The following TRAPPC9 variants were observed in gnomAD, a reference collection of about 807,000 sequenced individuals.
TRAPPC9 encodes IKK2 binding protein.
A neutral mutation model predicts 124.0 loss-of-function variants in TRAPPC9; 83 were observed. The ratio of observed to expected loss-of-function variants is 0.67; its 90% CI spans 0.56 to 0.80. The LOEUF (loss-of-function observed/expected upper bound fraction) is 0.80. Among genes scored for constraint, TRAPPC9 ranks in the 30% least tolerant of loss-of-function variants. TRAPPC9 has a pLI of 0.00. For missense variants in TRAPPC9, 1,302 were observed against 1,508.3 expected (o/e 0.86, Z 2.27); for synonymous variants, 638 against 617.5 (o/e 1.03, Z -0.49).
chr8:139,731,145 G>A lies in TRAPPC9; in HGVS notation c.3363C>T (p.His1121=), dbSNP rs149676709. ...GCAGCTCCTTGCTGGTGCTGTCCTC[G>A]TGGAACCGGATGTGGAGGAAGAAGT... ...TGDFFLHIRF[H]EDSTSKELPP... The change falls in exon 23 of 23, where the codon CAC becomes CAT. Residue 1121 remains histidine, a synonymous_variant. Transcript: ENST00000438773. 1.7e-5 allele frequency: 27 copies of A among 1,613,894 alleles called. No homozygotes were observed. The highest frequency in any genetic ancestry group is 3.3e-4 in the Middle Eastern group (2 of 6,078).
chr8:140,214,967 A>C (rs1362392300), intron 17 of TRAPPC9, among the ~76,000 whole-genome samples: 1 of 152,122 alleles, frequency 6.6e-6, no homozygotes, highest in Non-Finnish European at 1.5e-5. Flanking sequence ...AAATCACATC[A>C]TTCCTGCTTC....
chr8:140,401,977 C>T (rs1283039844), intron 6 of TRAPPC9, among the ~76,000 whole-genome samples: 1 of 150,888 alleles, frequency 6.6e-6, no homozygotes, highest in East Asian at 1.9e-4. Context: ...ATTTTCATGG[C>T]CAGTATGATT....
At chr8:139,774,687 G>A (rs1025610908) in intron 21 of TRAPPC9, among the ~76,000 whole-genome samples, 2 of 152,184 alleles carry the variant, frequency 1.3e-5, no homozygotes, top group African/African-American at 4.8e-5. Context: ...GGAGGAACGA[G>A]GGCTTCTCCT....
At chr8:140,269,255 G>A (rs1328021768) in intron 15 of TRAPPC9, among the ~76,000 whole-genome samples, 1 of 151,972 alleles carries the variant, frequency 6.6e-6, no homozygotes, top group Non-Finnish European at 1.5e-5. Flanking sequence ...AAATAAGATG[G>A]ATTTGGCCAG....
chr8:139,988,830 C>A lies in TRAPPC9; in HGVS notation c.2706G>T (p.Arg902=), dbSNP rs1200723902. The A allele has an allele frequency of 4.5e-6, 7 of 1,548,272 alleles. No homozygotes were observed. The highest frequency in any genetic ancestry group is 6.1e-6 in the Non-Finnish European group (7 of 1,144,198). ...RVSTLPATST[R]QCHLLLDVFN... The stretch of plus-strand genomic sequence containing the variant: ...AGACATCCAGGAGCAGGTGACACTG[C>A]CGGGTACTGCGTTAAAGAAAAAAGA... Residue 902 remains arginine, a synonymous_variant, in exon 19 of 23, where the codon CGG becomes CGT. Coordinates refer to ENST00000438773, the MANE Select transcript of TRAPPC9 (RefSeq NM_001160372.4).
At chr8:140,209,876 G>C (rs1401119593) in intron 17 of TRAPPC9, among the ~76,000 whole-genome samples, 1 of 152,182 alleles carries the variant, frequency 6.6e-6, no homozygotes, top group Non-Finnish European at 1.5e-5. Context: ...TACGTAAAGG[G>C]GCAGCAGGAT....
At chr8:139,928,199 A>T (rs191014868) in intron 19 of TRAPPC9, among the ~76,000 whole-genome samples, 38 of 151,562 alleles carry the variant, frequency 2.5e-4, no homozygotes, top group African/African-American at 8.3e-4. Context: ...AGTCAGAAAC[A>T]CCTCGGTTTG....
At position 140,233,653 on chromosome 8, in the gene TRAPPC9, A is replaced by AC. The variant is rs1230190054; in HGVS notation, c.2432-12071_2432-12070insG. ...CACACACACACACACACACACACAT[A>AC]AACACACCCTCTCTCTCCCCTACCA... On this transcript the variant is annotated intron_variant, in intron 16 of 22. Coordinates refer to ENST00000438773, the MANE Select transcript of TRAPPC9 (RefSeq NM_001160372.4). 2.1e-3 allele frequency among the ~76,000 whole-genome samples: 308 copies of AC among 145,068 alleles called. 2 individuals carry two copies. Among genetic ancestry groups the AC allele is most frequent in the African/African-American group, 7.5e-3 (292 of 38,692 alleles).
chr8:139,786,698 T>C (rs762858415), intron 21 of TRAPPC9, among the ~76,000 whole-genome samples: 3 of 152,086 alleles, frequency 2.0e-5, no homozygotes, highest in Non-Finnish European at 2.9e-5. Flanking sequence ...ACTGTTATGG[T>C]ATATGCATAC....
chr8:140,038,458 A>G (rs1047295332), intron 17 of TRAPPC9, among the ~76,000 whole-genome samples: 1 of 152,228 alleles, frequency 6.6e-6, no homozygotes, highest in African/African-American at 2.4e-5. Flanking sequence ...CAAATAGGCT[A>G]TGTCCTGTGC....
At chr8:140,256,175 C>T (rs779398518) in intron 15 of TRAPPC9, among the ~76,000 whole-genome samples, 3 of 152,312 alleles carry the variant, frequency 2.0e-5, no homozygotes, top group Middle Eastern at 3.4e-3. Flanking sequence ...TCTGGAAACC[C>T]GCTTCAACAC....
At chr8:140,074,398 G>T (rs1843372103) in intron 17 of TRAPPC9, among the ~76,000 whole-genome samples, 1 of 152,222 alleles carries the variant, frequency 6.6e-6, no homozygotes, top group Non-Finnish European at 1.5e-5. Context: ...TTCAGGGCAA[G>T]TGCATCCCCT....
rs1324007344 is a variant in TRAPPC9 at position 139,730,875 on chromosome 8, A to G, written c.*186T>C. 3.1e-6 allele frequency: 2 copies of G among 648,408 alleles called. No homozygotes were observed. The highest frequency in any genetic ancestry group is 5.3e-6 in the Non-Finnish European group (2 of 380,566). The allele number at this position is 648,408 out of a possible 1,614,324, so 40.2% of individuals were successfully genotyped here. On this transcript the variant is annotated 3_prime_UTR_variant, in exon 23 of 23. Coordinates refer to ENST00000438773, the MANE Select transcript of TRAPPC9 (RefSeq NM_001160372.4). Reference sequence around the variant, plus strand: ...GGGCGTGGCATGGGGTGGGGCTGCCATGTCCGGGGCTTCTGCGTAGCCCAG... The same window carrying G: ...GGGCGTGGCATGGGGTGGGGCTGCCGTGTCCGGGGCTTCTGCGTAGCCCAG...
At chr8:140,115,339 C>T (rs1307383648) in intron 17 of TRAPPC9, among the ~76,000 whole-genome samples, 1 of 151,078 alleles carries the variant, frequency 6.6e-6, no homozygotes, top group Non-Finnish European at 1.5e-5. Flanking sequence ...GTGATCTAGG[C>T]TCACTGCAAC....
intron 21 of TRAPPC9, among the ~76,000 whole-genome samples, chr8:139,784,608 C>CATATATATATATATATATATATATATAT (rs34583867): frequency 2.3e-5 from 2 of 88,656 alleles, no homozygotes; most frequent in Admixed American, 1.2e-4. Flanking sequence ...AAAAGACTGA[C>CATATATATATATATATATATATATATAT]ATATATATAT....
chr8:139,884,176 C>G (rs952007898), intron 21 of TRAPPC9, among the ~76,000 whole-genome samples: 1 of 152,130 alleles, frequency 6.6e-6, no homozygotes, highest in Non-Finnish European at 1.5e-5. Flanking sequence ...CCCTCCCTAC[C>G]CTTAGGGCCC....
At chr8:140,265,735 A>G (rs372415870) in intron 15 of TRAPPC9, among the ~76,000 whole-genome samples, 17 of 152,338 alleles carry the variant, frequency 1.1e-4, no homozygotes, top group African/African-American at 4.1e-4. Context: ...AAGGGCTATC[A>G]GGTGAAATTG....
At position 140,063,118 on chromosome 8, in the gene TRAPPC9, C is replaced by T. The variant is rs1193467640; in HGVS notation, c.2557-39039G>A. ...ACAAACCCATCAGATCCTATGAGAA[C>T]CCACCCACTATCATGAGAACGGTGT... On this transcript the variant is annotated intron_variant, in intron 17 of 22. Coordinates refer to ENST00000438773, the MANE Select transcript of TRAPPC9 (RefSeq NM_001160372.4). The surrounding 1 kb of genome is among the most constrained non-coding windows in gnomAD (Gnocchi z 4.3). Among the ~76,000 whole-genome samples the T allele has an allele frequency of 6.6e-6, 1 of 152,130 alleles. No individual in the cohort carries two copies. Among genetic ancestry groups the T allele is most frequent in the Non-Finnish European group, 1.5e-5 (1 of 68,020 alleles).
chr8:140,064,292 C>T lies in TRAPPC9; in HGVS notation c.2557-40213G>A, dbSNP rs1433763400. 2.6e-5 allele frequency among the ~76,000 whole-genome samples: 4 copies of T among 152,208 alleles called. No homozygotes were observed. In the South Asian group the frequency reaches 6.2e-4, roughly 24 times the overall value. ...TCTTTTACCTTTTCTGGTTTTACAACGTGACATTCATCGATGTATACCTAG... is the reference window on the plus strand; with the variant it reads ...TCTTTTACCTTTTCTGGTTTTACAATGTGACATTCATCGATGTATACCTAG... On this transcript the variant is annotated intron_variant, in intron 17 of 22. Coordinates refer to ENST00000438773, the MANE Select transcript of TRAPPC9 (RefSeq NM_001160372.4).
Sources: allele counts gnomAD v4.1 joint callset (sites outside exome capture counted in the v4.1 genomes callset), GRCh38; gene constraint gnomAD v4.1.1; non-coding constraint Gnocchi (gnomAD v3.1); transcripts MANE v1.5; gene names NCBI Gene and HGNC (gene_info 2026-07-23, HGNC 2026-07-21).